The following ARFIP1 variants were observed in gnomAD, a reference collection of about 807,000 sequenced individuals.
The protein encoded by ARFIP1 is arfaptin-1.
Under a neutral mutation model 42.5 loss-of-function variants are expected in ARFIP1, and 24 were observed. The observed-to-expected ratio is 0.57, with a 90% CI of 0.41 to 0.80. The LOEUF (loss-of-function observed/expected upper bound fraction) is 0.80, where lower values mean the gene tolerates loss of function less well. ARFIP1 is among the 30% of genes least tolerant of loss of function. ARFIP1 has a pLI of 0.00. For missense variants in ARFIP1, 354 were observed against 434.0 expected (o/e 0.82, Z 1.64); for synonymous variants, 141 against 153.7 (o/e 0.92, Z 0.61).
intron 2 of ARFIP1, among the ~76,000 whole-genome samples, chr4:152,855,620 G>T (rs745876613): frequency 6.6e-6 from 1 of 152,208 alleles, no homozygotes; most frequent in Non-Finnish European, 1.5e-5. Context: ...GATCTGTTGG[G>T]AGCAGAGCTC....
chr4:152,844,095 G>C (rs1732343776), intron 2 of ARFIP1, among the ~76,000 whole-genome samples: 1 of 152,200 alleles, frequency 6.6e-6, no homozygotes, highest in East Asian at 1.9e-4. Flanking sequence ...GGGCCTTTCT[G>C]CTGCTTCGTG....
intron 8 of ARFIP1, among the ~76,000 whole-genome samples, chr4:152,902,147 G>C (rs1240250148): frequency 6.6e-6 from 1 of 152,158 alleles, no homozygotes; most frequent in Non-Finnish European, 1.5e-5. Context: ...CTAAACTTAG[G>C]CAAATTACTT....
chr4:152,791,232 A>G (rs1254466914), intron 1 of ARFIP1, among the ~76,000 whole-genome samples: 1 of 152,190 alleles, frequency 6.6e-6, no homozygotes. Context: ...CTTTGAACAT[A>G]TTGTGTGGTA....
chr4:152,853,709 A>T (rs1733180016), intron 2 of ARFIP1, among the ~76,000 whole-genome samples: 1 of 152,024 alleles, frequency 6.6e-6, no homozygotes, highest in African/African-American at 2.4e-5. Context: ...CTAGACTTGG[A>T]CAGTTTTCAT....
chr4:152,843,491 C>T (rs151106009), intron 2 of ARFIP1, among the ~76,000 whole-genome samples: 33 of 151,590 alleles, frequency 2.2e-4, no homozygotes, highest in African/African-American at 7.2e-4. Flanking sequence ...CAGGAGTATA[C>T]GCATTTGTCT....
At chr4:152,813,343 A>AT (rs1729620631) in intron 1 of ARFIP1, among the ~76,000 whole-genome samples, 1 of 152,144 alleles carries the variant, frequency 6.6e-6, no homozygotes, top group African/African-American at 2.4e-5. Context: ...TCCCCCACAG[A>AT]TACCAAGGGA....
At chr4:152,783,963 T>C (rs1730651283) in intron 1 of ARFIP1, among the ~76,000 whole-genome samples, 1 of 151,800 alleles carries the variant, frequency 6.6e-6, no homozygotes, top group Non-Finnish European at 1.5e-5. Context: ...GAGGGGAAAA[T>C]GTGAAAATGA....
At position 152,794,602 on chromosome 4, in the gene ARFIP1, CTG is replaced by C. The variant is rs528944432; in HGVS notation, c.-10+14380_-10+14381del. ...GTATCTTGTTGGAGCTACGTGGAGA[CTG>C]TGTAAATCCTGTTTCTCCTCAAACT... is the stretch of plus-strand genomic sequence containing the variant. On this transcript the variant is annotated intron_variant, in intron 1 of 8. Coordinates refer to ENST00000353617, the MANE Select transcript of ARFIP1 (RefSeq NM_001025595.3). Among the ~76,000 whole-genome samples, 525 of 152,262 alleles carry C rather than the reference CTG, an allele frequency of 3.4e-3. 2 individuals carry two copies. The highest frequency in any genetic ancestry group is 0.01 in the Middle Eastern group (3 of 294).
chr4:152,867,404 G>A (rs1734497901), intron 3 of ARFIP1, among the ~76,000 whole-genome samples: 1 of 152,118 alleles, frequency 6.6e-6, no homozygotes, highest in Admixed American at 6.5e-5. Context: ...GCTGAGGCAG[G>A]AGAATCAGGC....
chr4:152,848,017 C>A (rs1056462553), intron 2 of ARFIP1, among the ~76,000 whole-genome samples: 10 of 152,124 alleles, frequency 6.6e-5, no homozygotes, highest in Admixed American at 5.9e-4. Flanking sequence ...CATAAGGGTT[C>A]TCAGGTTCCC....
Position 152,862,508 on chromosome 4 carries a change from C to G in ARFIP1, c.94-1098C>G, listed in dbSNP as rs183800639. Among the ~76,000 whole-genome samples, 177 of 150,902 alleles carry G rather than the reference C, an allele frequency of 1.2e-3. 1 individual carries two copies. Among genetic ancestry groups the G allele is most frequent in the Non-Finnish European group, 2.7e-4 (18 of 67,870 alleles). ...ATATCCTGGACCCCTGCTATAGGCT[C>G]TATACTTGTACCAGTACATCAAGAA... On this transcript the variant is annotated intron_variant, in intron 2 of 8. Coordinates refer to ENST00000353617, the MANE Select transcript of ARFIP1 (RefSeq NM_001025595.3).
Position 152,804,119 on chromosome 4 carries a change from T to C in ARFIP1, c.-10+23893T>C, listed in dbSNP as rs547014933. ...TATATATTATATATAATATAACATG[T>C]ATTATATATTATATATAATATAACA... is the stretch of plus-strand genomic sequence containing the variant. On this transcript the variant is annotated intron_variant, in intron 1 of 8. Coordinates refer to ENST00000353617, the MANE Select transcript of ARFIP1 (RefSeq NM_001025595.3). Among the ~76,000 whole-genome samples the C allele has an allele frequency of 2.6e-4, 31 of 121,006 alleles. 3 individuals carry two copies. The South Asian group carries it at 6.7e-3, about 26-fold the overall frequency. The allele number at this position is 121,006 out of a possible 152,430, so 79.4% of individuals were successfully genotyped here. A position where few individuals can be genotyped will look rare whatever the true frequency, so the allele number is the denominator to read the frequency against.
At chr4:152,784,598 T>C (rs917862740) in intron 1 of ARFIP1, among the ~76,000 whole-genome samples, 1 of 152,256 alleles carries the variant, frequency 6.6e-6, no homozygotes, top group South Asian at 2.1e-4. Context: ...TGAAATCTTC[T>C]TCTAGTATGA....
intron 1 of ARFIP1, among the ~76,000 whole-genome samples, chr4:152,828,490 A>G (rs1266545641): frequency 4.6e-5 from 7 of 152,242 alleles, no homozygotes; most frequent in African/African-American, 1.7e-4. Context: ...TCATATGCTT[A>G]CTAGCCACTT....
chr4:152,889,642 GCACTATATATAGTATATATA>G (rs1736590651), intron 8 of ARFIP1, among the ~76,000 whole-genome samples: 1 of 120,518 alleles, frequency 8.3e-6, no homozygotes, highest in African/African-American at 3.2e-5. Flanking sequence ...GTATATATAT[GCACTATATATAGTATATATA>G]CACTAATATA....
At chr4:152,892,778 T>C (rs893781384) in intron 8 of ARFIP1, among the ~76,000 whole-genome samples, 2 of 152,220 alleles carry the variant, frequency 1.3e-5, no homozygotes, top group Non-Finnish European at 2.9e-5. Context: ...TTCTGTCTCT[T>C]CACCCCGTGA....
At chr4:152,889,681 A>AAT (rs1437757459) in intron 8 of ARFIP1, among the ~76,000 whole-genome samples, 2 of 129,766 alleles carry the variant, frequency 1.5e-5, no homozygotes, top group East Asian at 2.1e-4. Flanking sequence ...TATACTATAT[A>AAT]ATATATATAT....
intron 8 of ARFIP1, among the ~76,000 whole-genome samples, chr4:152,904,131 G>T (rs552637121): frequency 2.0e-5 from 3 of 148,864 alleles, no homozygotes; most frequent in Non-Finnish European, 4.4e-5. Flanking sequence ...GTGCCATGAT[G>T]GTTTGCTGCA....
intron 2 of ARFIP1, among the ~76,000 whole-genome samples, chr4:152,852,947 T>G (rs1179093028): frequency 6.6e-6 from 1 of 152,200 alleles, no homozygotes; most frequent in African/African-American, 2.4e-5. Flanking sequence ...ATTTTCAGAT[T>G]TTACACCTGT....
Sources: allele counts gnomAD v4.1 joint callset (sites outside exome capture counted in the v4.1 genomes callset), GRCh38; gene constraint gnomAD v4.1.1; transcripts MANE v1.5; gene names NCBI Gene and HGNC (gene_info 2026-07-23, HGNC 2026-07-21).